The following SOX6 variants were observed in gnomAD, a reference collection of about 807,000 sequenced individuals.
SOX6 encodes transcription factor SOX-6.
A neutral mutation model predicts 97.8 loss-of-function variants in SOX6; 11 were observed. The ratio of observed to expected loss-of-function variants is 0.11; its 90% CI spans 0.07 to 0.19. The LOEUF (loss-of-function observed/expected upper bound fraction) is 0.19. Among genes scored for constraint, SOX6 ranks in the 10% least tolerant of loss-of-function variants. The probability of loss-of-function intolerance (pLI) is 1.00; values close to 1 mark genes in which losing one functional copy is unlikely to be tolerated. For synonymous variants in SOX6, 360 were observed against 371.4 expected (o/e 0.97, Z 0.35); for missense variants, 810 against 1,039.5 (o/e 0.78, Z 3.04).
intron 3 of SOX6, among the ~76,000 whole-genome samples, chr11:16,296,962 T>C (rs1467087971): frequency 6.6e-6 from 1 of 152,094 alleles, no homozygotes. Flanking sequence ...TGTCTTCGAA[T>C]TTAAAATGTG....
chr11:16,263,961 T>C (rs1853985544), intron 3 of SOX6, among the ~76,000 whole-genome samples: 1 of 151,916 alleles, frequency 6.6e-6, no homozygotes, highest in African/African-American at 2.4e-5. Context: ...CAATGTTATT[T>C]AGGTAGTCCC....
intron 3 of SOX6, among the ~76,000 whole-genome samples, chr11:16,667,577 G>A (rs959668489): frequency 4.0e-5 from 6 of 151,478 alleles, no homozygotes; most frequent in Non-Finnish European, 5.9e-5. Flanking sequence ...TCCTAGAATA[G>A]TGTATCCAGT....
chr11:15,977,415 C>T (rs1853519347), intron 15 of SOX6, among the ~76,000 whole-genome samples: 1 of 151,870 alleles, frequency 6.6e-6, no homozygotes. Context: ...TAGTTTTCTC[C>T]CTTTAGTACC....
intron 6 of SOX6, among the ~76,000 whole-genome samples, chr11:16,115,807 G>C (rs1849333945): frequency 1.3e-5 from 2 of 152,162 alleles, no homozygotes; most frequent in African/African-American, 4.8e-5. Flanking sequence ...GAAGTCTCCA[G>C]CTGAAAATAA....
intron 4 of SOX6, among the ~76,000 whole-genome samples, chr11:16,234,178 G>A (rs1005310036): frequency 6.6e-6 from 1 of 151,984 alleles, no homozygotes; most frequent in Non-Finnish European, 1.5e-5. Flanking sequence ...CATTTTTAAA[G>A]GTGCTACAGG....
chr11:16,165,677 C>T (rs1850869276), intron 6 of SOX6, among the ~76,000 whole-genome samples: 1 of 152,084 alleles, frequency 6.6e-6, no homozygotes, highest in African/African-American at 2.4e-5. Flanking sequence ...GCGGGCAGAT[C>T]ACTTGAGGTC....
chr11:16,662,991 T>TA (rs1016031360), intron 3 of SOX6, among the ~76,000 whole-genome samples: 6 of 150,018 alleles, frequency 4.0e-5, no homozygotes, highest in Non-Finnish European at 7.4e-5. Flanking sequence ...ATACCCATCC[T>TA]AAAAAAAAGT....
chr11:16,346,840 G>C (rs547330941), intron 1 of SOX6, among the ~76,000 whole-genome samples: 1 of 152,148 alleles, frequency 6.6e-6, no homozygotes, highest in South Asian at 2.1e-4. Context: ...CTAAGAAAGT[G>C]CTTAAATTAA....
intron 3 of SOX6, among the ~76,000 whole-genome samples, chr11:16,239,783 C>T (rs1444137997): frequency 3.9e-5 from 6 of 151,912 alleles, no homozygotes; most frequent in African/African-American, 1.4e-4. Flanking sequence ...TGGATAATCT[C>T]GTGCCAGCTC....
intron 3 of SOX6, among the ~76,000 whole-genome samples, chr11:16,680,517 T>C (rs1847918142): frequency 6.6e-6 from 1 of 152,058 alleles, no homozygotes; most frequent in South Asian, 2.1e-4. Context: ...CCAAATTGTA[T>C]AGACAATAGA....
rs546505137 is a variant in SOX6, at chr11:16,253,930, C to A, written c.446-19259G>T. Among the ~76,000 whole-genome samples, 143 of 151,870 alleles carry A rather than the reference C, an allele frequency of 9.4e-4. 2 individuals carry two copies. Among genetic ancestry groups the A allele is most frequent in the Non-Finnish European group, 4.4e-5 (3 of 67,952 alleles). ...TACACCTAGGCACATCATATTCAAA[C>A]CTCAGAAAATAAAAAATAAAAGAAA... On this transcript the variant is annotated intron_variant, in intron 3 of 15. Transcript: ENST00000683767.
At chr11:16,465,005 C>A (rs1464777365) in intron 1 of SOX6, among the ~76,000 whole-genome samples, 1 of 152,198 alleles carries the variant, frequency 6.6e-6, no homozygotes, top group African/African-American at 2.4e-5. Flanking sequence ...TTATTTCAAT[C>A]ATTTACTGTT....
chr11:16,275,285 C>CAA (rs869208945), intron 3 of SOX6, among the ~76,000 whole-genome samples: 289 of 123,012 alleles, frequency 2.3e-3, no homozygotes, highest in African/African-American at 5.6e-3. Flanking sequence ...ACCAAAAATA[C>CAA]AAAAAAAAAA....
At chr11:16,634,864 C>G (rs1164419505) in intron 3 of SOX6, among the ~76,000 whole-genome samples, 2 of 152,168 alleles carry the variant, frequency 1.3e-5, no homozygotes, top group African/African-American at 4.8e-5. Context: ...TACCTCCATG[C>G]TGTTCTCATA....
At chr11:16,336,260 C>T (rs1033129314) in intron 2 of SOX6, among the ~76,000 whole-genome samples, 9 of 152,154 alleles carry the variant, frequency 5.9e-5, no homozygotes. Flanking sequence ...AAGCCACCTA[C>T]TAAGAGTTGC....
chr11:15,969,396 T>A lies in SOX6; in HGVS notation c.*3413A>T, dbSNP rs972535383. The A allele has an allele frequency of 1.3e-5, 2 of 152,150 alleles. No individual in the cohort carries two copies. The highest frequency in any genetic ancestry group is 2.4e-5 in the African/African-American group (1 of 41,432). The allele number at this position is 152,150 out of a possible 1,614,324, so 9.4% of individuals were successfully genotyped here. A position where few individuals can be genotyped will look rare whatever the true frequency, so the allele number is the denominator to read the frequency against. On this transcript the variant is annotated 3_prime_UTR_variant, in exon 16 of 16. Transcript: ENST00000683767. ...GTAGACTCCCAAAGCAAACTGACTG[T>A]CTCCTAACTGTAGTGGAAATTTAGT...
At chr11:16,326,566 C>T (rs911031097) in intron 2 of SOX6, among the ~76,000 whole-genome samples, 3 of 152,060 alleles carry the variant, frequency 2.0e-5, no homozygotes, top group African/African-American at 7.2e-5. Context: ...CCAATGATGA[C>T]TACCTTCTAA....
rs117788183 is a variant in SOX6 at position 16,483,951 on chromosome 11, T to C, written n.610-7563A>G. 4,285 of 858,126 alleles carry C rather than the reference T, an allele frequency of 5.0e-3. 19 individuals are homozygous for C. Among genetic ancestry groups the C allele is most frequent in the Admixed American group, 7.0e-3 (410 of 58,490 alleles). The allele number at this position is 858,126 out of a possible 1,614,324, so 53.2% of individuals were successfully genotyped here. On this transcript the variant is annotated intron_variant and non_coding_transcript_variant, in intron 4 of 5. Transcript: ENST00000524520. ...TGGGGAGCCAGATCAGGACCTGGGCTGTAGTTTTATTGTGCTTGGCTGTGA... is the reference window on the plus strand; with the variant it reads ...TGGGGAGCCAGATCAGGACCTGGGCCGTAGTTTTATTGTGCTTGGCTGTGA...
At chr11:16,542,946 C>A in intron 4 of SOX6, among the ~76,000 whole-genome samples, 1 of 152,040 alleles carries the variant, frequency 6.6e-6, no homozygotes, top group East Asian at 1.9e-4. Context: ...AACTGGTCTA[C>A]TAACTCTACT....
Sources: gnomAD v4.1 joint callset for allele counts (sites outside exome capture counted in the v4.1 genomes callset) on GRCh38, gnomAD v4.1.1 for gene constraint, MANE v1.5 for transcripts, NCBI Gene and HGNC (gene_info 2026-07-23, HGNC 2026-07-21) for gene names.